SAMD3: variants seen among roughly 807,000 people sequenced by gnomAD.
SAMD3 encodes sterile alpha motif domain-containing protein 3.
A neutral mutation model predicts 58.5 loss-of-function variants in SAMD3; 63 were observed. The observed-to-expected ratio is 1.08, with a 90% CI of 0.88 to 1.33. SAMD3 has a LOEUF of 1.33. SAMD3 is among the 40% of genes most tolerant of loss of function. The probability of loss-of-function intolerance (pLI) is 0.00; values close to 1 mark genes in which losing one functional copy is unlikely to be tolerated. For synonymous variants in SAMD3, 220 were observed against 210.3 expected (o/e 1.05, Z -0.40); for missense variants, 604 against 608.4 (o/e 0.99, Z 0.08).
chr6:130,144,500 G>C lies in SAMD3; in HGVS notation c.*20C>G. The C allele has an allele frequency of 6.2e-7, 1 of 1,606,632 alleles. No individual in the cohort carries two copies. ...TCAGTTTTCCCAGAGGTAAATTCCA[G>C]TACAATATTTGGCATGCTATTAAGT... On this transcript the variant is annotated 3_prime_UTR_variant, in exon 12 of 12. Coordinates refer to ENST00000439090, the MANE Select transcript of SAMD3 (RefSeq NM_001017373.4).
rs141051166 is a variant in SAMD3, at chr6:130,286,438, G to A, written c.-188+26540C>T. Among the ~76,000 whole-genome samples the A allele has an allele frequency of 1.6e-3, 241 of 152,256 alleles. 1 individual carries two copies. Among genetic ancestry groups the A allele is most frequent in the Non-Finnish European group, 1.4e-3 (96 of 68,010 alleles). On this transcript the variant is annotated intron_variant, in intron 2 of 13. Transcript: ENST00000368134. The stretch of plus-strand genomic sequence containing the variant: ...AGCTTCAAAGGGATGTCAAGGTTAC[G>A]GCACAGTTCCTTTCTTTTGAAAGAA...
intron 2 of SAMD3, among the ~76,000 whole-genome samples, chr6:130,269,630 G>T (rs1774488039): frequency 6.6e-6 from 1 of 151,506 alleles, no homozygotes. Context: ...CTTCCTAGAG[G>T]TTTATCAATT....
At chr6:130,342,273 G>A (rs1194284967) in intron 1 of SAMD3, among the ~76,000 whole-genome samples, 2 of 152,166 alleles carry the variant, frequency 1.3e-5, no homozygotes, top group Non-Finnish European at 2.9e-5. Flanking sequence ...TTAACAAGAT[G>A]TTGCTTACAA....
In SAMD3 at chr6:130,340,451, A is replaced by G. The variant is rs868176832; in HGVS notation, c.-304+24669T>C. Among the ~76,000 whole-genome samples the G allele has an allele frequency of 2.0e-5, 3 of 152,304 alleles. No homozygotes were observed. The South Asian group carries it at 6.2e-4, about 32-fold the overall frequency. On this transcript the variant is annotated intron_variant, in intron 1 of 13. Transcript: ENST00000368134. ...AGGATTCCACTGGGACACTTGGATA[A>G]TCCAGGATAATCTCCCCTTCTCAAT...
intron 9 of SAMD3, among the ~76,000 whole-genome samples, chr6:130,147,453 C>T (rs1788737551): frequency 6.6e-6 from 1 of 152,248 alleles, no homozygotes; most frequent in Admixed American, 6.5e-5. Flanking sequence ...GAATACGCCA[C>T]TGTTCTGGGC....
intron 8 of SAMD3, among the ~76,000 whole-genome samples, chr6:130,167,334 A>G (rs754325461): frequency 1.3e-5 from 2 of 152,222 alleles, no homozygotes; most frequent in African/African-American, 2.4e-5. Flanking sequence ...AGAAAGGCAG[A>G]TAGAAATGGG....
rs554646846 is a variant in SAMD3, at chr6:130,260,495, C to T, written c.-187-37682G>A. 1.2e-4 allele frequency among the ~76,000 whole-genome samples: 19 copies of T among 152,364 alleles called. No individual in the cohort carries two copies. In the East Asian group the frequency reaches 3.7e-3, roughly 29 times the overall value. On this transcript the variant is annotated intron_variant, in intron 2 of 13. Transcript: ENST00000368134. Reference sequence around the variant, plus strand: ...GCCCTTAAAAGGGACAAGAATTGCTCACTTGGGGAGCTTGGCTCTTGAGAC... The same window carrying T: ...GCCCTTAAAAGGGACAAGAATTGCTTACTTGGGGAGCTTGGCTCTTGAGAC...
intron 11 of SAMD3, 73 bp from the exon 12 acceptor site, chr6:130,144,877 G>T: frequency 1.5e-6 from 2 of 1,313,336 alleles, no homozygotes; most frequent in Non-Finnish European, 1.1e-6. Context: ...ACTTAATCAT[G>T]GTATTACAAT....
intron 5 of SAMD3, among the ~76,000 whole-genome samples, chr6:130,186,981 A>G (rs1453071535): frequency 6.6e-6 from 1 of 151,836 alleles, no homozygotes; most frequent in Admixed American, 6.6e-5. Context: ...CATGTTGGCC[A>G]GGATGGTCTC....
chr6:130,245,588 A>T (rs1229709475), intron 2 of SAMD3, among the ~76,000 whole-genome samples: 2 of 152,076 alleles, frequency 1.3e-5, no homozygotes, highest in Non-Finnish European at 2.9e-5. Flanking sequence ...ATAAAGGAAA[A>T]CTCTCTGAGT....
intron 8 of SAMD3, among the ~76,000 whole-genome samples, chr6:130,173,163 G>A (rs1486668687): frequency 6.6e-6 from 1 of 152,164 alleles, no homozygotes; most frequent in Non-Finnish European, 1.5e-5. Flanking sequence ...GCTCAGAGGA[G>A]TTTGTTATTA....
chr6:130,273,603 A>AT (rs142686259), intron 2 of SAMD3, among the ~76,000 whole-genome samples: 53 of 149,858 alleles, frequency 3.5e-4, no homozygotes, highest in Middle Eastern at 3.5e-3. Context: ...CATTTTATTG[A>AT]TTTTTTTTGT....
chr6:130,176,124 A>C (rs761532856), intron 7 of SAMD3, 116 bp from the exon 8 acceptor site: 112 of 805,684 alleles, frequency 1.4e-4, no homozygotes, highest in Non-Finnish European at 2.1e-4. Flanking sequence ...AATTATTTTC[A>C]CATCATGGTA....
chr6:130,239,092 C>T (rs1773264940), intron 2 of SAMD3, among the ~76,000 whole-genome samples: 1 of 152,080 alleles, frequency 6.6e-6, no homozygotes. Flanking sequence ...GAGCAGAATG[C>T]TTGAGGAACA....
intron 2 of SAMD3, among the ~76,000 whole-genome samples, chr6:130,280,710 T>C (rs564815016): frequency 6.6e-6 from 1 of 152,340 alleles, no homozygotes; most frequent in Non-Finnish European, 1.5e-5. Context: ...GAACATTACA[T>C]TGCAGTCGTA....
chr6:130,246,751 T>C (rs1292241756), intron 2 of SAMD3, among the ~76,000 whole-genome samples: 1 of 151,946 alleles, frequency 6.6e-6, no homozygotes, highest in Admixed American at 6.6e-5. Context: ...TAGCCGGGCA[T>C]GATGGTGGGT....
intron 2 of SAMD3, among the ~76,000 whole-genome samples, chr6:130,296,534 A>G (rs1020926084): frequency 8.5e-5 from 13 of 152,166 alleles, no homozygotes; most frequent in African/African-American, 3.1e-4. Context: ...CTTGTTGGGG[A>G]TGCAACTTCC....
intron 1 of SAMD3, among the ~76,000 whole-genome samples, chr6:130,329,261 C>CAAAAAAAAAAAAAAAA (rs10708421): frequency 8.5e-6 from 1 of 118,304 alleles, no homozygotes. Flanking sequence ...CAATGAATCT[C>CAAAAAAAAAAAAAAAA]AAAAAAAAAA....
chr6:130,249,834 G>C (rs180889179), intron 2 of SAMD3, among the ~76,000 whole-genome samples: 101 of 152,160 alleles, frequency 6.6e-4, no homozygotes, highest in Non-Finnish European at 1.2e-3. Context: ...ACATAATACT[G>C]AAGGTTATCC....
Sources: gnomAD v4.1 joint callset for allele counts (sites outside exome capture counted in the v4.1 genomes callset) on GRCh38, gnomAD v4.1.1 for gene constraint, MANE v1.5 for transcripts, NCBI Gene and HGNC (gene_info 2026-07-23, HGNC 2026-07-21) for gene names.